Variants in FAM98A observed in about 807,000 individuals in gnomAD.
The protein encoded by FAM98A is tRNA splicing ligase complex subunit 3A.
A neutral mutation model predicts 62.9 loss-of-function variants in FAM98A; 25 were observed. The ratio of observed to expected loss-of-function variants is 0.40; its 90% CI spans 0.29 to 0.56. The LOEUF (loss-of-function observed/expected upper bound fraction) is 0.56, where lower values mean the gene tolerates loss of function less well. Ranked by LOEUF, FAM98A falls within the 20% of genes least tolerant of loss-of-function variation. The pLI is 0.51. For missense variants in FAM98A, 653 were observed against 640.7 expected, an observed-to-expected ratio of 1.02 and a Z score of -0.21; for synonymous variants, 252 against 228.6, an observed-to-expected ratio of 1.10 and a Z score of -0.92.
At chr2:33,589,807 A>G (rs1391405990) in intron 3 of FAM98A, 1 of 152,194 alleles carries the variant, frequency 6.6e-6, no homozygotes, top group African/African-American at 2.4e-5. Flanking sequence ...TATATTGTCT[A>G]TGGCTGCTTT....
At chr2:33,585,728 G>A in intron 6 of FAM98A, 31 bp from the exon 7 acceptor site, 2 of 1,582,594 alleles carry the variant, frequency 1.3e-6, no homozygotes, top group Non-Finnish European at 8.6e-7. Context: ...AAAGAGAAAT[G>A]TCAATTTTCA....
In FAM98A at chr2:33,585,084, C is replaced by T; in HGVS notation, c.1249G>A (p.Gly417Ser). The change falls in exon 8 of 8, where the codon GGC becomes AGC. Residue 417 changes from glycine to serine, a missense_variant. By Grantham distance (56) the Gly-to-Ser change is moderately conservative. Coordinates refer to ENST00000238823, the MANE Select transcript of FAM98A (RefSeq NM_015475.5). Reference protein sequence around the residue: ...GGYHGGHSSGGYQGGGYGGFQ... With the variant: ...GGYHGGHSSGSYQGGGYGGFQ... ...CCACCATAACCTCCGCCTTGATAGC[C>T]ACCACTGCTGTGGCCACCATGATAG... The T allele has an allele frequency of 3.1e-6, 5 of 1,614,164 alleles. No individual in the cohort carries two copies. The highest frequency in any genetic ancestry group is 4.2e-6 in the Non-Finnish European group (5 of 1,180,022).
rs1213953979 is a variant in FAM98A, at chr2:33,584,901, C to A, written c.1432G>T (p.Gly478Ter). ...TGGCTCCCTCTTCCTCCCCAGCCTCCTCCCTGGCCTGCACGACCACCTCGG... is the reference window on the plus strand; with the variant it reads ...TGGCTCCCTCTTCCTCCCCAGCCTCATCCCTGGCCTGCACGACCACCTCGG... ...GGRGGRAGQG[G>*]GWGGRGSQNY... is the part of the protein sequence containing the mutation. Residue 478 changes from glycine (G) to a stop codon, truncating the protein, a stop_gained, in exon 8 of 8, where the codon GGA (glycine) becomes TGA (stop). Transcript: ENST00000238823. LOFTEE classifies it high-confidence loss of function. The A allele has an allele frequency of 6.2e-7, 1 of 1,612,396 alleles. No homozygotes were observed. Among genetic ancestry groups the A allele is most frequent in the Admixed American group, 1.7e-5 (1 of 59,930 alleles).
At chr2:33,598,634 G>C (rs536095621) in intron 1 of FAM98A, among the ~76,000 whole-genome samples, 2 of 152,288 alleles carry the variant, frequency 1.3e-5, no homozygotes, top group East Asian at 3.9e-4. Flanking sequence ...GCACAAGCGA[G>C]CTGGCCAGCG....
At position 33,599,255 on chromosome 2, in the gene FAM98A, G is replaced by T. The variant is rs755415672; in HGVS notation, c.-34C>A. 1 of 1,584,354 alleles carries T rather than the reference G, an allele frequency of 6.3e-7. No homozygotes were observed. Among genetic ancestry groups the T allele is most frequent in the Non-Finnish European group, 8.7e-7 (1 of 1,152,836 alleles). On this transcript the variant is annotated 5_prime_UTR_variant, in exon 1 of 8. Transcript: ENST00000238823. ...GGTATTCAAATTTCCGAGTCGTCAG[G>T]CTCCCCTCTTCGCCGGCAACGCGTA... is the stretch of plus-strand genomic sequence containing the variant.
At chr2:33,596,586 A>T (rs1263162779) in intron 1 of FAM98A, among the ~76,000 whole-genome samples, 2 of 152,168 alleles carry the variant, frequency 1.3e-5, no homozygotes, top group African/African-American at 4.8e-5. Context: ...TACAATAAAT[A>T]TGCTTAAGAT....
chr2:33,586,721 T>G (rs371715760), intron 5 of FAM98A, 43 bp from the exon 6 acceptor site: 1 of 1,311,984 alleles, frequency 7.6e-7, no homozygotes, highest in African/African-American at 1.4e-5. Context: ...TAAATCTGCT[T>G]GATTCTCTGT....
intron 1 of FAM98A, among the ~76,000 whole-genome samples, chr2:33,597,503 C>T (rs562378491): frequency 1.5e-4 from 23 of 152,126 alleles, no homozygotes; most frequent in African/African-American, 3.9e-4. Context: ...TTACATTACA[C>T]TCTATGTCAA....
At chr2:33,587,417 C>A in intron 4 of FAM98A, 97 bp from the exon 5 acceptor site, 1 of 921,852 alleles carries the variant, frequency 1.1e-6, no homozygotes. Flanking sequence ...AAGAAGATTC[C>A]TGACAGAGGC....
In FAM98A at chr2:33,599,202, T is replaced by C; in HGVS notation, c.20A>G (p.Glu7Gly). The part of the protein sequence containing the change: MECDLM[E>G]TDILESLEDL... ...TTCCAACGACTCCAAGATGTCAGTC[T>C]CCATGAGGTCACACTCCATGCTACT... is the stretch of plus-strand genomic sequence containing the variant. The change falls in exon 1 of 8, where the codon GAG becomes GGG. Residue 7 changes from glutamate (E) to glycine (G), a missense_variant. Transcript: ENST00000238823. The C allele has an allele frequency of 1.2e-6, 2 of 1,614,004 alleles. No individual in the cohort carries two copies. The highest frequency in any genetic ancestry group is 1.7e-6 in the Non-Finnish European group (2 of 1,179,880).
Position 33,595,528 on chromosome 2 carries a change from C to G in FAM98A, c.163G>C (p.Val55Leu). Reference protein sequence around the residue: ...LCAWLVSELRVLCKLEENVQA... With the variant: ...LCAWLVSELRLLCKLEENVQA... ...ACGTTTTCCTCTAGTTTACAGAGCACTCTTAATTCAGACACCAGCCAAGCA... is the reference window on the plus strand; with the variant it reads ...ACGTTTTCCTCTAGTTTACAGAGCAGTCTTAATTCAGACACCAGCCAAGCA... The change falls in exon 2 of 8, where the codon GTG (valine) becomes CTG (leucine). Residue 55 changes from valine (V) to leucine (L), a missense_variant. Physicochemically the swap from Val to Leu is conservative, Grantham distance 32. Coordinates refer to ENST00000238823, the MANE Select transcript of FAM98A (RefSeq NM_015475.5). 1 of 1,609,176 alleles carries G rather than the reference C, an allele frequency of 6.2e-7. No individual in the cohort carries two copies. The highest frequency in any genetic ancestry group is 8.5e-7 in the Non-Finnish European group (1 of 1,178,126).
At chr2:33,596,599 TA>T (rs1237364483) in intron 1 of FAM98A, among the ~76,000 whole-genome samples, 2 of 152,104 alleles carry the variant, frequency 1.3e-5, no homozygotes, top group Non-Finnish European at 2.9e-5. Flanking sequence ...CTTAAGATAA[TA>T]TAATGTTTAG....
chr2:33,588,532 A>G lies in FAM98A; in HGVS notation c.338-13T>C, dbSNP rs1403106669. ...GAGATGAGGTATGCTGAAGTAAACA[A>G]AATAAGATTTCAAAATGAGATACAG... On this transcript the variant is annotated splice_polypyrimidine_tract_variant and intron_variant, in intron 3 of 7. Coordinates refer to ENST00000238823, the MANE Select transcript of FAM98A (RefSeq NM_015475.5). 1.2e-6 allele frequency: 2 copies of G among 1,609,500 alleles called. No individual in the cohort carries two copies. Among genetic ancestry groups the G allele is most frequent in the Non-Finnish European group, 1.7e-6 (2 of 1,177,682 alleles).
Position 33,584,243 on chromosome 2 carries a change from AG to A in FAM98A, c.*532del, listed in dbSNP as rs1677481427. Reference sequence around the variant, plus strand: ...CTATCTGCAAAAGAGCTCATTTAATAGGAACTGACCTAAAAGTTCCATCATG... The same window carrying A: ...CTATCTGCAAAAGAGCTCATTTAATAGAACTGACCTAAAAGTTCCATCATG... On this transcript the variant is annotated 3_prime_UTR_variant, in exon 8 of 8. Coordinates refer to ENST00000238823, the MANE Select transcript of FAM98A (RefSeq NM_015475.5). The A allele has an allele frequency of 6.5e-6, 1 of 154,860 alleles. No homozygotes were observed. Among genetic ancestry groups the A allele is most frequent in the Non-Finnish European group, 1.4e-5 (1 of 69,470 alleles). The allele number at this position is 154,860 out of a possible 1,614,324, so 9.6% of individuals were successfully genotyped here.
chr2:33,595,353 A>C, intron 2 of FAM98A, 136 bp downstream of exon 2: 1 of 673,174 alleles, frequency 1.5e-6, no homozygotes, highest in South Asian at 2.4e-5. Flanking sequence ...CGGACGGAAA[A>C]AAAATCTTGG....
rs1452810455 is a variant in FAM98A, at chr2:33,585,252, C to G, written c.1081G>C (p.Gly361Arg). The change falls in exon 8 of 8, where the codon GGT (glycine) becomes CGT (arginine). Residue 361 changes from glycine (G) to arginine (R), a missense_variant. Transcript: ENST00000238823. The stretch of plus-strand genomic sequence containing the variant: ...CCATGGTCATAGCCACCACGTCCAC[C>G]TCTCCCGCCTCCTTGTTCATGACCT... ...RGGHEQGGGR[G>R]GRGGYDHGGR... The G allele has an allele frequency of 6.2e-7, 1 of 1,614,000 alleles. No individual in the cohort carries two copies. Among genetic ancestry groups the G allele is most frequent in the African/African-American group, 1.3e-5 (1 of 74,890 alleles).
Position 33,586,434 on chromosome 2 carries a change from C to T in FAM98A, c.720+128G>A, listed in dbSNP as rs1677555359. 5.1e-6 allele frequency: 3 copies of T among 592,238 alleles called. No individual in the cohort carries two copies. In the East Asian group the frequency reaches 7.6e-5, roughly 15 times the overall value. The allele number at this position is 592,238 out of a possible 1,614,324, so 36.7% of individuals were successfully genotyped here. A position where few individuals can be genotyped will look rare whatever the true frequency, so the allele number is the denominator to read the frequency against. Reference sequence around the variant, plus strand: ...TTGAAAGAGCCACTACTCAATAACTCACTAAGGAAAAATCCCTATGTGTGT... The same window carrying T: ...TTGAAAGAGCCACTACTCAATAACTTACTAAGGAAAAATCCCTATGTGTGT... On this transcript the variant is annotated intron_variant, in intron 6 of 7. Transcript: ENST00000238823.
At chr2:33,590,728 A>C (rs1677654400) in intron 3 of FAM98A, among the ~76,000 whole-genome samples, 1 of 152,164 alleles carries the variant, frequency 6.6e-6, no homozygotes, top group South Asian at 2.1e-4. Context: ...TAGAATTATG[A>C]CCCTGAGTCC....
chr2:33,588,100 T>C lies in FAM98A; in HGVS notation c.522+235A>G, dbSNP rs939588635. The C allele has an allele frequency of 4.8e-5, 25 of 521,710 alleles. No individual in the cohort carries two copies. In the African/African-American group the frequency reaches 4.8e-4, roughly 10 times the overall value. The allele number at this position is 521,710 out of a possible 1,614,324, so 32.3% of individuals were successfully genotyped here. On this transcript the variant is annotated intron_variant, in intron 4 of 7. Coordinates refer to ENST00000238823, the MANE Select transcript of FAM98A (RefSeq NM_015475.5). ...TAGCTTACTTTAGCTTACAAACCAG[T>C]GTAAAGTTTCCTTTTTGAAAAAGAA...
Sources: allele counts gnomAD v4.1 joint callset (sites outside exome capture counted in the v4.1 genomes callset), GRCh38; gene constraint gnomAD v4.1.1; transcripts MANE v1.5; gene names NCBI Gene and HGNC (gene_info 2026-07-23, HGNC 2026-07-21).